The following CSMD1 variants were observed in gnomAD, a reference collection of about 807,000 sequenced individuals.
The protein encoded by CSMD1 is CUB and Sushi multiple domains 1, also known as CUB and sushi domain-containing protein 1.
CSMD1 carries 213 observed loss-of-function variants against 417.5 expected under a neutral mutation model. That is an observed-to-expected ratio of 0.51 (90% CI 0.46 to 0.57). CSMD1 has a LOEUF of 0.57. Ranked by LOEUF, CSMD1 falls within the 20% of genes least tolerant of loss-of-function variation. CSMD1 has a pLI of 0.00. For missense variants in CSMD1, 6,923 were observed against 4,529.7 expected (o/e 1.53, Z -15.17); for synonymous variants, 2,862 against 1,736.8 (o/e 1.65, Z -16.11).
At chr8:4,369,560 T>A (rs951316400) in intron 3 of CSMD1, among the ~76,000 whole-genome samples, 4 of 152,216 alleles carry the variant, frequency 2.6e-5, no homozygotes, top group Non-Finnish European at 5.9e-5. Flanking sequence ...CCCAGTATTA[T>A]TGAGTGGTTG....
At chr8:4,638,687 T>C (rs1196170625) in intron 1 of CSMD1, among the ~76,000 whole-genome samples, 2 of 152,166 alleles carry the variant, frequency 1.3e-5, no homozygotes, top group African/African-American at 2.4e-5. Context: ...CAGCAGGACA[T>C]CTCACGTTTT....
At chr8:3,861,767 T>C (rs118143104) in intron 5 of CSMD1, among the ~76,000 whole-genome samples, 2,856 of 152,352 alleles carry the variant, frequency 0.019, 51 homozygotes, top group Middle Eastern at 0.027. Flanking sequence ...CTAACTTTTC[T>C]ACTGGCCCAC....
At chr8:3,034,781 T>G (rs77589685) in intron 50 of CSMD1, among the ~76,000 whole-genome samples, 3,324 of 152,272 alleles carry the variant, frequency 0.022, 130 homozygotes, top group African/African-American at 0.077. Flanking sequence ...CATTTTCATT[T>G]CATGACATTA....
At chr8:4,298,331 C>G (rs1797795826) in intron 3 of CSMD1, among the ~76,000 whole-genome samples, 1 of 152,102 alleles carries the variant, frequency 6.6e-6, no homozygotes, top group Non-Finnish European at 1.5e-5. Flanking sequence ...TCCTTTCATT[C>G]AAAAACGCTC....
intron 4 of CSMD1, among the ~76,000 whole-genome samples, chr8:4,031,563 G>C (rs555798762): frequency 1.3e-5 from 2 of 152,254 alleles, no homozygotes; most frequent in East Asian, 1.9e-4. Flanking sequence ...TGAGGTTTGG[G>C]TGAGGACAGA....
intron 37 of CSMD1, among the ~76,000 whole-genome samples, chr8:3,178,554 G>A (rs1330791499): frequency 6.6e-6 from 1 of 152,156 alleles, no homozygotes; most frequent in East Asian, 1.9e-4. Context: ...GCCTGCCTCT[G>A]CATGCCATCT....
chr8:3,703,888 G>C (rs911720105), intron 7 of CSMD1, among the ~76,000 whole-genome samples: 2 of 152,084 alleles, frequency 1.3e-5, no homozygotes, highest in Admixed American at 6.6e-5. Flanking sequence ...CTGGCCAATG[G>C]TGAAACCCCA....
chr8:3,879,883 G>A (rs996455334), intron 5 of CSMD1, among the ~76,000 whole-genome samples: 2 of 151,932 alleles, frequency 1.3e-5, no homozygotes, highest in Non-Finnish European at 2.9e-5. Flanking sequence ...TGGTGTGGAT[G>A]TTGTATTCAC....
At chr8:3,960,049 G>T (rs1248295410) in intron 5 of CSMD1, among the ~76,000 whole-genome samples, 1 of 152,162 alleles carries the variant, frequency 6.6e-6, no homozygotes, top group African/African-American at 2.4e-5. Flanking sequence ...GGCATCTCAG[G>T]GAATGTGTTT....
chr8:3,021,662 C>A (rs761388853), intron 51 of CSMD1, among the ~76,000 whole-genome samples: 1 of 151,922 alleles, frequency 6.6e-6, no homozygotes. Context: ...CCGGAATGCA[C>A]CTGCAATCCC....
In CSMD1 at chr8:3,715,272, T is replaced by C. The variant is rs189767393; in HGVS notation, c.932-6781A>G. On this transcript the variant is annotated intron_variant, in intron 6 of 69. Transcript: ENST00000635120. ...ATTTCCTATTCTCTGCTAATTATTG[T>C]TAACGTGTGATTTGTGCTGATACAC... 7.2e-5 allele frequency among the ~76,000 whole-genome samples: 11 copies of C among 152,286 alleles called. No individual in the cohort carries two copies. In the East Asian group the frequency reaches 1.7e-3, roughly 24 times the overall value.
At chr8:3,270,500 A>C (rs1183686804) in intron 26 of CSMD1, among the ~76,000 whole-genome samples, 4 of 152,238 alleles carry the variant, frequency 2.6e-5, no homozygotes, top group Non-Finnish European at 2.9e-5. Context: ...GAACTTCATA[A>C]AACTATTCTG....
At chr8:4,368,017 CTGAT>C (rs1489655786) in intron 3 of CSMD1, among the ~76,000 whole-genome samples, 7 of 152,018 alleles carry the variant, frequency 4.6e-5, no homozygotes, top group African/African-American at 1.7e-4. Context: ...CTTTTCTTGG[CTGAT>C]TGCTCTGGCT....
chr8:3,822,682 C>T (rs940969644), intron 5 of CSMD1, among the ~76,000 whole-genome samples: 13 of 152,280 alleles, frequency 8.5e-5, no homozygotes, highest in Admixed American at 2.0e-4. Context: ...TTCACAGTCA[C>T]GGCAATGACT....
At chr8:4,062,241 T>G (rs72624076) in intron 3 of CSMD1, among the ~76,000 whole-genome samples, 18,060 of 152,068 alleles carry the variant, frequency 0.12, 1,605 homozygotes, top group East Asian at 0.36. Flanking sequence ...TCTAATTTCC[T>G]CAGAGTCATC....
chr8:4,943,286 G>A (rs1563828887), intron 1 of CSMD1, among the ~76,000 whole-genome samples: 1 of 152,166 alleles, frequency 6.6e-6, no homozygotes, highest in African/African-American at 2.4e-5. Context: ...ACGAGGTCAG[G>A]AGATCAAGAT....
chr8:4,848,941 A>C (rs1801307432), intron 1 of CSMD1, among the ~76,000 whole-genome samples: 1 of 152,196 alleles, frequency 6.6e-6, no homozygotes, highest in Admixed American at 6.5e-5. Context: ...TACTTGTTCT[A>C]CTTATAAAAG....
chr8:4,449,810 C>T (rs59245178), intron 2 of CSMD1, among the ~76,000 whole-genome samples: 208 of 152,158 alleles, frequency 1.4e-3, no homozygotes, highest in African/African-American at 4.7e-3. Context: ...CAGAGCCCTG[C>T]AAGCTTCCCC....
At chr8:4,575,414 C>T (rs571450838) in intron 2 of CSMD1, among the ~76,000 whole-genome samples, 9 of 152,260 alleles carry the variant, frequency 5.9e-5, no homozygotes, top group Non-Finnish European at 1.2e-4. Flanking sequence ...GGTTGTAGAA[C>T]CATTTCCACT....
Sources: gnomAD v4.1 joint callset for allele counts (sites outside exome capture counted in the v4.1 genomes callset) on GRCh38, gnomAD v4.1.1 for gene constraint, MANE v1.5 for transcripts, NCBI Gene and HGNC (gene_info 2026-07-23, HGNC 2026-07-21) for gene names.